The following CAB39L variants were observed in gnomAD, a reference collection of about 807,000 sequenced individuals.
CAB39L encodes the protein calcium binding protein 39 like.
In CAB39L, 23 loss-of-function variants were observed where a neutral mutation model predicts 39.1. That is an observed-to-expected ratio of 0.59 (90% CI 0.42 to 0.83). The LOEUF (loss-of-function observed/expected upper bound fraction) is 0.83, where lower values mean the gene tolerates loss of function less well. Among genes scored for constraint, CAB39L ranks in the 40% least tolerant of loss-of-function variants. CAB39L has a pLI of 0.00. For synonymous variants in CAB39L, 126 were observed against 137.2 expected (o/e 0.92, Z 0.57); for missense variants, 366 against 391.9 (o/e 0.93, Z 0.56).
At chr13:49,354,411 G>C (rs1290693614) in intron 6 of CAB39L, among the ~76,000 whole-genome samples, 2 of 152,150 alleles carry the variant, frequency 1.3e-5, no homozygotes, top group African/African-American at 2.4e-5. Flanking sequence ...ACTTTTGATA[G>C]GTTATTGCTT....
At chr13:49,391,659 C>T (rs1478860210) in intron 3 of CAB39L, among the ~76,000 whole-genome samples, 3 of 152,050 alleles carry the variant, frequency 2.0e-5, no homozygotes, top group Admixed American at 2.0e-4. Context: ...ATAATCACAT[C>T]ATACACAAAT....
At chr13:49,321,696 G>T (rs1954348239) in intron 10 of CAB39L, among the ~76,000 whole-genome samples, 1 of 152,194 alleles carries the variant, frequency 6.6e-6, no homozygotes, top group Non-Finnish European at 1.5e-5. Flanking sequence ...GGCAAGGAGG[G>T]GAAAAGGGGC....
At chr13:49,398,406 G>T (rs528535701) in intron 3 of CAB39L, among the ~76,000 whole-genome samples, 4 of 151,774 alleles carry the variant, frequency 2.6e-5, no homozygotes, top group Non-Finnish European at 5.9e-5. Flanking sequence ...GCCACATTAC[G>T]AATATATATG....
intron 3 of CAB39L, among the ~76,000 whole-genome samples, chr13:49,404,491 T>C (rs1208469228): frequency 6.7e-6 from 1 of 148,872 alleles, no homozygotes; most frequent in Non-Finnish European, 1.5e-5. Flanking sequence ...GTGTGAAGAT[T>C]AGAATAAATA....
At chr13:49,319,588 T>C (rs1954288548) in intron 10 of CAB39L, among the ~76,000 whole-genome samples, 1 of 151,826 alleles carries the variant, frequency 6.6e-6, no homozygotes, top group African/African-American at 2.4e-5. Context: ...TGGTTAATGC[T>C]GAATTTTATG....
chr13:49,316,195 A>G (rs1954153379), intron 10 of CAB39L, among the ~76,000 whole-genome samples: 1 of 152,168 alleles, frequency 6.6e-6, no homozygotes, highest in African/African-American at 2.4e-5. Context: ...GGATTATGAG[A>G]GATGCTATGA....
chr13:49,407,162 T>TC (rs1956898790), intron 3 of CAB39L, among the ~76,000 whole-genome samples: 1 of 152,082 alleles, frequency 6.6e-6, no homozygotes, highest in African/African-American at 2.4e-5. Flanking sequence ...TGTATATAGA[T>TC]CAAGTTACAG....
intron 3 of CAB39L, among the ~76,000 whole-genome samples, chr13:49,389,042 G>C (rs921526322): frequency 2.6e-5 from 4 of 152,058 alleles, no homozygotes; most frequent in African/African-American, 9.7e-5. Context: ...TTGTGACATA[G>C]CCAATCAAAA....
At chr13:49,377,417 G>T (rs1489325764) in intron 4 of CAB39L, among the ~76,000 whole-genome samples, 1 of 95,340 alleles carries the variant, frequency 1.0e-5, no homozygotes, top group Non-Finnish European at 2.1e-5. Context: ...CTCTCCCTCT[G>T]TCTCCCTCTC....
At position 49,346,097 on chromosome 13, in the gene CAB39L, C is replaced by T. The variant is rs1282811847; in HGVS notation, c.565-1859G>A. Among the ~76,000 whole-genome samples, 8 of 8,682 alleles carry T rather than the reference C, an allele frequency of 9.2e-4. 1 individual carries two copies. Among genetic ancestry groups the T allele is most frequent in the Admixed American group, 2.2e-3 (1 of 454 alleles). 5.7% of individuals were successfully genotyped at this position (8,682 alleles called of 152,430 possible). A position where few individuals can be genotyped will look rare whatever the true frequency, so the allele number is the denominator to read the frequency against. On this transcript the variant is annotated intron_variant, in intron 7 of 10. Coordinates refer to ENST00000409308, the MANE Select transcript of CAB39L (RefSeq NM_001079670.3). Reference sequence around the variant, plus strand: ...CTAGATATATATATATATATATATGCTAGATATATATATATATATATATAT... The same window carrying T: ...CTAGATATATATATATATATATATGTTAGATATATATATATATATATATAT...
At chr13:49,433,125 G>A (rs1957352891) in intron 3 of CAB39L, among the ~76,000 whole-genome samples, 193 bp downstream of exon 3, 1 of 152,076 alleles carries the variant, frequency 6.6e-6, no homozygotes, top group Admixed American at 6.5e-5. Flanking sequence ...TACATGTTTG[G>A]TGGAGGGAGG....
At chr13:49,360,038 C>A (rs1198547480) in intron 5 of CAB39L, among the ~76,000 whole-genome samples, 1 of 152,126 alleles carries the variant, frequency 6.6e-6, no homozygotes, top group Non-Finnish European at 1.5e-5. Context: ...CAGCTCCTTG[C>A]CACAGGATGT....
At chr13:49,314,052 G>A (rs1314874163) in intron 10 of CAB39L, among the ~76,000 whole-genome samples, 2 of 152,178 alleles carry the variant, frequency 1.3e-5, no homozygotes, top group Non-Finnish European at 2.9e-5. Context: ...GGCGGCATGA[G>A]AGCTAGTCCA....
chr13:49,324,852 A>G (rs922321585), intron 10 of CAB39L, among the ~76,000 whole-genome samples: 2 of 152,258 alleles, frequency 1.3e-5, no homozygotes, highest in African/African-American at 4.8e-5. Context: ...AATTTCATAT[A>G]ATTGTGGAAG....
chr13:49,355,673 A>T (rs1955464400), intron 6 of CAB39L, among the ~76,000 whole-genome samples: 3 of 152,162 alleles, frequency 2.0e-5, no homozygotes, highest in Non-Finnish European at 4.4e-5. Context: ...GCATTAAAAA[A>T]ACATGTGTAG....
At chr13:49,433,066 G>A (rs1957352074) in intron 3 of CAB39L, among the ~76,000 whole-genome samples, 1 of 152,096 alleles carries the variant, frequency 6.6e-6, no homozygotes, top group Non-Finnish European at 1.5e-5. Flanking sequence ...TTCTTAATGG[G>A]CTCATCCATT....
chr13:49,346,100 GATATATATAT>G (rs370368670), intron 7 of CAB39L, among the ~76,000 whole-genome samples: 8 of 30,946 alleles, frequency 2.6e-4, no homozygotes, highest in Non-Finnish European at 3.4e-4. Flanking sequence ...ATATATGCTA[GATATATATAT>G]ATATATATAT....
chr13:49,377,448 C>A lies in CAB39L; in HGVS notation c.112-317G>T, dbSNP rs867100077. ...CTCTCCCCACGGTCTCCCTCTCATG[C>A]GGAGCCGAAGCTGGACTGTACTGCT... On this transcript the variant is annotated intron_variant, in intron 4 of 10. Coordinates refer to ENST00000409308, the MANE Select transcript of CAB39L (RefSeq NM_001079670.3). Among the ~76,000 whole-genome samples, 2 of 91,680 alleles carry A rather than the reference C, an allele frequency of 2.2e-5. 1 individual carries two copies. Among genetic ancestry groups the A allele is most frequent in the Non-Finnish European group, 4.3e-5 (2 of 46,456 alleles). 60.1% of individuals were successfully genotyped at this position (91,680 alleles called of 152,430 possible).
At chr13:49,332,346 T>C (rs1954727831) in intron 9 of CAB39L, among the ~76,000 whole-genome samples, 1 of 152,212 alleles carries the variant, frequency 6.6e-6, no homozygotes, top group African/African-American at 2.4e-5. Context: ...CACCTAGAGC[T>C]AGGCAGAAAT....
Sources: allele counts gnomAD v4.1 joint callset (sites outside exome capture counted in the v4.1 genomes callset), GRCh38; gene constraint gnomAD v4.1.1; transcripts MANE v1.5; gene names NCBI Gene and HGNC (gene_info 2026-07-23, HGNC 2026-07-21).